Variants in TRPC5 observed in about 807,000 individuals in gnomAD.
The protein encoded by TRPC5 is transient receptor potential cation channel subfamily C member 5, also known as short transient receptor potential channel 5.
A neutral mutation model predicts 56.5 loss-of-function variants in TRPC5; 9 were observed. That is an observed-to-expected ratio of 0.16 (90% CI 0.10 to 0.28). The LOEUF is 0.28. TRPC5 is among the 10% of genes least tolerant of loss of function. The pLI is 1.00. For missense variants in TRPC5, 469 were observed against 748.9 expected, an observed-to-expected ratio of 0.63 and a Z score of 4.36; for synonymous variants, 282 against 278.5, an observed-to-expected ratio of 1.01 and a Z score of -0.13.
intron 3 of TRPC5, among the ~76,000 whole-genome samples, chrX:111,857,709 T>C (rs1005772941): frequency 2.7e-5 from 3 of 112,380 alleles, no homozygotes; most frequent in African/African-American, 9.7e-5. Flanking sequence ...TGTACATGAA[T>C]GGGCTTAGCT....
intron 1 of TRPC5, among the ~76,000 whole-genome samples, chrX:111,985,970 A>T (rs1433821836): frequency 8.9e-6 from 1 of 111,954 alleles, no homozygotes; most frequent in East Asian, 2.8e-4. Context: ...TGGCCTACAG[A>T]GAAGAGCAAC....
At position 111,878,583 on chromosome X, in the gene TRPC5, T is replaced by C. The variant is rs929133983; in HGVS notation, c.901-24477A>G. Among the ~76,000 whole-genome samples, 10 of 111,749 alleles carry C rather than the reference T, an allele frequency of 8.9e-5. No individual in the cohort carries two copies. The East Asian group carries it at 1.1e-3, about 13-fold the overall frequency. On this transcript the variant is annotated intron_variant, in intron 3 of 10. Coordinates refer to ENST00000262839, the MANE Select transcript of TRPC5 (RefSeq NM_012471.3). The stretch of plus-strand genomic sequence containing the variant: ...TTCTTGGAGACTGTTCTGTGTACTG[T>C]AGGGTGTTTAGTATTTCCCCAGCCT...
intron 1 of TRPC5, among the ~76,000 whole-genome samples, chrX:111,999,103 C>A (rs1041784133): frequency 9.0e-6 from 1 of 110,663 alleles, no homozygotes; most frequent in Non-Finnish European, 1.9e-5. Context: ...TGTGCCCCAA[C>A]CCCTGACAGT....
At chrX:112,061,305 C>T (rs181966337) in intron 1 of TRPC5, among the ~76,000 whole-genome samples, 1 of 111,960 alleles carries the variant, frequency 8.9e-6, no homozygotes, top group East Asian at 2.8e-4. Context: ...TCAGCCCTGT[C>T]AGATTCCCTG....
At chrX:111,998,038 G>T (rs1240391690) in intron 1 of TRPC5, among the ~76,000 whole-genome samples, 1 of 111,065 alleles carries the variant, frequency 9.0e-6, no homozygotes, top group Non-Finnish European at 1.9e-5. Context: ...TCTGTTGCTG[G>T]CTAGGAGCTG....
At chrX:112,035,480 G>A (rs1417884171) in intron 1 of TRPC5, among the ~76,000 whole-genome samples, 1 of 106,627 alleles carries the variant, frequency 9.4e-6, no homozygotes, top group Non-Finnish European at 1.9e-5. Context: ...TATATGTTTT[G>A]CACATACTTA....
At chrX:111,848,001 T>C (rs956241976) in intron 5 of TRPC5, among the ~76,000 whole-genome samples, 1 of 111,621 alleles carries the variant, frequency 9.0e-6, no homozygotes, top group African/African-American at 3.3e-5. Context: ...TAGGGAGCCA[T>C]TCACTGGAGC....
chrX:112,010,460 T>C (rs1928962645), intron 1 of TRPC5, among the ~76,000 whole-genome samples: 3 of 111,606 alleles, frequency 2.7e-5, no homozygotes, highest in Admixed American at 1.9e-4. Flanking sequence ...GTGAACATCA[T>C]AGTGTGTACT....
chrX:111,820,966 T>C (rs1221273622), intron 7 of TRPC5, among the ~76,000 whole-genome samples: 1 of 111,551 alleles, frequency 9.0e-6, no homozygotes. Flanking sequence ...CCTCCTAGAA[T>C]ATCCATTGGG....
intron 10 of TRPC5, among the ~76,000 whole-genome samples, 181 bp downstream of exon 10, chrX:111,778,804 C>T (rs925567381): frequency 2.7e-5 from 3 of 111,576 alleles, no homozygotes; most frequent in African/African-American, 9.8e-5. Flanking sequence ...TGTGGTGTGA[C>T]ATACATTGGT....
intron 2 of TRPC5, among the ~76,000 whole-genome samples, chrX:111,935,823 G>C (rs753300121): frequency 1.8e-5 from 2 of 111,376 alleles, no homozygotes; most frequent in Admixed American, 1.9e-4. Context: ...TGTTCCACTG[G>C]TCTCTGTCTG....
intron 1 of TRPC5, among the ~76,000 whole-genome samples, chrX:112,054,427 G>A (rs1433155706): frequency 9.0e-6 from 1 of 111,283 alleles, no homozygotes; most frequent in African/African-American, 3.3e-5. Flanking sequence ...GACAGAGGAT[G>A]TAACTCAATA....
intron 3 of TRPC5, chrX:111,901,853 G>A (rs1292087259): frequency 1.8e-6 from 2 of 1,129,281 alleles, no homozygotes; most frequent in Non-Finnish European, 1.2e-6. Context: ...CTGCAGCATG[G>A]ATTCTGTGTT....
At chrX:112,042,227 A>C (rs1929910628) in intron 1 of TRPC5, among the ~76,000 whole-genome samples, 1 of 111,726 alleles carries the variant, frequency 9.0e-6, no homozygotes, top group Non-Finnish European at 1.9e-5. Flanking sequence ...ACTGGTGCCC[A>C]TGAAATGACC....
At chrX:112,063,874 C>A (rs2147741260) in intron 1 of TRPC5, among the ~76,000 whole-genome samples, 1 of 111,951 alleles carries the variant, frequency 8.9e-6, no homozygotes, top group African/African-American at 3.2e-5. Context: ...TCACTGCAAC[C>A]TCCGCCTCCC....
chrX:111,798,380 A>G (rs1603032653), intron 7 of TRPC5, among the ~76,000 whole-genome samples: 1 of 112,061 alleles, frequency 8.9e-6, no homozygotes, highest in South Asian at 3.7e-4. Context: ...CATATAAACA[A>G]TTACTCCAAT....
intron 7 of TRPC5, among the ~76,000 whole-genome samples, chrX:111,796,862 G>A (rs1158675371): frequency 7.2e-5 from 8 of 111,331 alleles, no homozygotes; most frequent in East Asian, 5.6e-4. Flanking sequence ...GCCCCCTATG[G>A]GCATCTTGTT....
intron 7 of TRPC5, among the ~76,000 whole-genome samples, chrX:111,790,601 C>T (rs941906528): frequency 4.5e-5 from 5 of 111,122 alleles, no homozygotes; most frequent in Non-Finnish European, 7.6e-5. Flanking sequence ...GGATTTATTC[C>T]GCTAGCTTTT....
At chrX:111,957,827 G>T (rs1280478250) in intron 1 of TRPC5, among the ~76,000 whole-genome samples, 6 of 112,031 alleles carry the variant, frequency 5.4e-5, no homozygotes, top group Non-Finnish European at 1.1e-4. Flanking sequence ...TCCAGAGGGG[G>T]AGACAAAAAT....
Sources: allele counts gnomAD v4.1 joint callset (sites outside exome capture counted in the v4.1 genomes callset), GRCh38; gene constraint gnomAD v4.1.1; transcripts MANE v1.5; gene names NCBI Gene and HGNC (gene_info 2026-07-23, HGNC 2026-07-21).